TBC1D19: variants seen among roughly 807,000 people sequenced by gnomAD.
The protein encoded by TBC1D19 is TBC1 domain family, member 19.
Under a neutral mutation model 89.0 loss-of-function variants are expected in TBC1D19, and 60 were observed. That is an observed-to-expected ratio of 0.67 (90% CI 0.55 to 0.84). The LOEUF is 0.84. TBC1D19 is among the 40% of genes least tolerant of loss of function. TBC1D19 has a pLI of 0.00. For synonymous variants in TBC1D19, 189 were observed against 199.7 expected, an observed-to-expected ratio of 0.95 and a Z score of 0.45; for missense variants, 500 against 610.8, an observed-to-expected ratio of 0.82 and a Z score of 1.91.
chr4:26,727,146 G>A (rs1717369844), intron 15 of TBC1D19, among the ~76,000 whole-genome samples: 2 of 152,188 alleles, frequency 1.3e-5, no homozygotes, highest in Non-Finnish European at 2.9e-5. Context: ...ACATGCTCTT[G>A]GGTGGTAGTC....
chr4:26,728,181 T>A (rs1273746097), intron 15 of TBC1D19, among the ~76,000 whole-genome samples: 1 of 152,262 alleles, frequency 6.6e-6, no homozygotes, highest in Non-Finnish European at 1.5e-5. Context: ...TGTCTTCATT[T>A]CTGACTACCT....
intron 1 of TBC1D19, among the ~76,000 whole-genome samples, chr4:26,599,972 A>G (rs908190740): frequency 5.3e-5 from 8 of 151,694 alleles, no homozygotes; most frequent in African/African-American, 1.7e-4. Context: ...AAAAAAAAAA[A>G]AAAGAATTTG....
chr4:26,661,440 G>T (rs2109079975), intron 8 of TBC1D19, among the ~76,000 whole-genome samples: 1 of 152,234 alleles, frequency 6.6e-6, no homozygotes, highest in South Asian at 2.1e-4. Context: ...TTGCCTCACA[G>T]TGAAGCCTAC....
rs925853622 is a variant in TBC1D19 at position 26,739,363 on chromosome 4, T to C, written c.1118-501T>C. ...AGTAGTATACAGCTATTACTCAAAA[T>C]CTTTATTTTCAAATTGAATTAATTG... is the stretch of plus-strand genomic sequence containing the variant. On this transcript the variant is annotated intron_variant, in intron 16 of 20. Coordinates refer to ENST00000264866, the MANE Select transcript of TBC1D19 (RefSeq NM_018317.4). Among the ~76,000 whole-genome samples, 6 of 152,312 alleles carry C rather than the reference T, an allele frequency of 3.9e-5. No homozygotes were observed. The East Asian group carries it at 9.6e-4, about 24-fold the overall frequency.
At position 26,755,828 on chromosome 4, in the gene TBC1D19, G is replaced by A. The variant is rs1719237711; in HGVS notation, c.*881G>A. Among the ~76,000 whole-genome samples the A allele has an allele frequency of 6.6e-6, 1 of 152,094 alleles. No homozygotes were observed. Among genetic ancestry groups the A allele is most frequent in the South Asian group, 2.1e-4 (1 of 4,820 alleles). Reference sequence around the variant, plus strand: ...TGAGAGAGATTAAAAGTAGGTAGTAGGCATTCATTCTAAACTGCAGACATT... The same window carrying A: ...TGAGAGAGATTAAAAGTAGGTAGTAAGCATTCATTCTAAACTGCAGACATT... On this transcript the variant is annotated 3_prime_UTR_variant, in exon 21 of 21. Transcript: ENST00000264866.
At chr4:26,630,761 C>T (rs1350285437) in intron 4 of TBC1D19, among the ~76,000 whole-genome samples, 3 of 151,972 alleles carry the variant, frequency 2.0e-5, no homozygotes, top group East Asian at 1.9e-4. Context: ...ATTAAATGAT[C>T]ATCTGCTCCT....
chr4:26,593,650 AC>A (rs756921512), intron 1 of TBC1D19, among the ~76,000 whole-genome samples: 2 of 152,204 alleles, frequency 1.3e-5, no homozygotes, highest in Non-Finnish European at 2.9e-5. Context: ...CAAGAAAAAA[AC>A]AATCAACCCC....
intron 19 of TBC1D19, among the ~76,000 whole-genome samples, chr4:26,752,400 T>C (rs1208018354): frequency 2.0e-5 from 3 of 151,892 alleles, no homozygotes; most frequent in Non-Finnish European, 4.4e-5. Context: ...TGCACCACAG[T>C]GGCTGGCTTA....
chr4:26,822,384 C>A, the TBC1D19 span, among the ~76,000 whole-genome samples: 1 of 152,194 alleles, frequency 6.6e-6, no homozygotes, highest in Non-Finnish European at 1.5e-5. Flanking sequence ...TTCTTGCTAA[C>A]CCAACACGAC....
chr4:26,711,086 G>A (rs1244507633), intron 13 of TBC1D19, among the ~76,000 whole-genome samples: 1 of 152,152 alleles, frequency 6.6e-6, no homozygotes, highest in Non-Finnish European at 1.5e-5. Flanking sequence ...TGGCGTTTTA[G>A]ACATGAAGTC....
At chr4:26,581,158 G>A (rs1739053752), upstream of TBC1D19, among the ~76,000 whole-genome samples, 1 of 152,048 alleles carries the variant, frequency 6.6e-6, no homozygotes, top group Non-Finnish European at 1.5e-5. Context: ...AGAAATAGAG[G>A]ATTTTCCTGT....
At chr4:26,840,322 T>C in the TBC1D19 span, among the ~76,000 whole-genome samples, 1 of 151,890 alleles carries the variant, frequency 6.6e-6, no homozygotes, top group Non-Finnish European at 1.5e-5. Flanking sequence ...CCTCAGGCAA[T>C]CTGCCTGCCT....
chr4:26,672,942 A>G (rs1712446810), intron 10 of TBC1D19, among the ~76,000 whole-genome samples: 1 of 151,946 alleles, frequency 6.6e-6, no homozygotes, highest in Non-Finnish European at 1.5e-5. Flanking sequence ...TTCATTTAAT[A>G]TAAGATTTTT....
the TBC1D19 span, among the ~76,000 whole-genome samples, chr4:26,797,352 C>T: frequency 1.3e-5 from 2 of 151,864 alleles, no homozygotes; most frequent in African/African-American, 2.4e-5. Flanking sequence ...TAAAAGATCT[C>T]TACAAGGACA....
intron 5 of TBC1D19, 111 bp from the exon 6 acceptor site, chr4:26,638,660 C>T (rs1314271594): frequency 2.6e-6 from 2 of 762,128 alleles, no homozygotes; most frequent in Non-Finnish European, 4.3e-6. Context: ...TGAAATTATA[C>T]TGTTATGGTC....
In TBC1D19 at chr4:26,613,149, AT is replaced by A; in HGVS notation, c.100-18del. The A allele has an allele frequency of 7.6e-7, 1 of 1,323,350 alleles. No homozygotes were observed. The allele number at this position is 1,323,350 out of a possible 1,614,324, so 82.0% of individuals were successfully genotyped here. On this transcript the variant is annotated intron_variant, in intron 1 of 20. Transcript: ENST00000264866. ...TTTTCCTTCCTTATCTTTCTTTTTT[AT>A]TATTATTATTATTCTTAGGCCAGTC...
intron 1 of TBC1D19, among the ~76,000 whole-genome samples, chr4:26,591,660 C>T (rs889212056): frequency 6.6e-6 from 1 of 152,174 alleles, no homozygotes; most frequent in African/African-American, 2.4e-5. Flanking sequence ...GGGGATATCA[C>T]CACTGATCCC....
chr4:26,630,146 A>T (rs915893180), intron 4 of TBC1D19, among the ~76,000 whole-genome samples: 1 of 151,816 alleles, frequency 6.6e-6, no homozygotes, highest in African/African-American at 2.4e-5. Context: ...TAATTTAAAA[A>T]AATTAGTATG....
At chr4:26,772,467 C>T in the TBC1D19 span, among the ~76,000 whole-genome samples, 1 of 151,724 alleles carries the variant, frequency 6.6e-6, no homozygotes, top group Non-Finnish European at 1.5e-5. Context: ...TCTTTTTTTT[C>T]CTTCAACTTT....
Sources: allele counts gnomAD v4.1 joint callset (sites outside exome capture counted in the v4.1 genomes callset), GRCh38; gene constraint gnomAD v4.1.1; transcripts MANE v1.5; gene names NCBI Gene and HGNC (gene_info 2026-07-23, HGNC 2026-07-21).